The following PHIP variants were observed in gnomAD, a reference collection of about 807,000 sequenced individuals.
PHIP encodes the protein PH-interacting protein.
In PHIP, 54 loss-of-function variants were observed where a neutral mutation model predicts 236.8. The observed-to-expected ratio is 0.23, with a 90% CI of 0.18 to 0.29. The LOEUF (loss-of-function observed/expected upper bound fraction) is 0.29. PHIP is among the 10% of genes least tolerant of loss of function. The pLI is 1.00. For synonymous variants in PHIP, 756 were observed against 718.9 expected (o/e 1.05, Z -0.83); for missense variants, 1,370 against 2,190.8 (o/e 0.63, Z 7.48).
At chr6:79,016,085 C>G (rs903477188) in intron 13 of PHIP, among the ~76,000 whole-genome samples, 28 of 151,910 alleles carry the variant, frequency 1.8e-4, no homozygotes, top group African/African-American at 6.8e-4. Context: ...CCATCTTTTA[C>G]TGTTGCTGTC....
intron 6 of PHIP, among the ~76,000 whole-genome samples, chr6:79,048,491 T>G (rs1772613777): frequency 6.6e-6 from 1 of 152,118 alleles, no homozygotes; most frequent in African/African-American, 2.4e-5. Flanking sequence ...GAAATACCAT[T>G]ACCTCCCTAC....
chr6:78,988,285 T>C lies in PHIP; in HGVS notation c.2384A>G (p.Asn795Ser). 2.5e-6 allele frequency: 4 copies of C among 1,606,832 alleles called. No individual in the cohort carries two copies. Among genetic ancestry groups the C allele is most frequent in the Non-Finnish European group, 3.4e-6 (4 of 1,174,430 alleles). ...ESKKQQTNQHNYRTRSALEET... is the reference protein window; with the variant it reads ...ESKKQQTNQHSYRTRSALEET... The stretch of plus-strand genomic sequence containing the variant: ...TTCCAATGCAGATCTTGTACGATAA[T>C]TGTGTTGATTTGTCTGTTGCTTTTT... The change falls in exon 21 of 40, where the codon AAT (asparagine) becomes AGT (serine). Residue 795 changes from asparagine to serine, a missense_variant. Physicochemically the swap from Asn to Ser is conservative, Grantham distance 46 (BLOSUM62 1). This residue lies in a region of PHIP where 99 missense variants were observed against 110.0 expected (regional missense o/e 0.90). Coordinates refer to ENST00000275034, the MANE Select transcript of PHIP (RefSeq NM_017934.7).
intron 6 of PHIP, among the ~76,000 whole-genome samples, chr6:79,058,248 C>T (rs1773173072): frequency 6.6e-6 from 1 of 151,934 alleles, no homozygotes; most frequent in Admixed American, 6.6e-5. Flanking sequence ...GATGCAAAAC[C>T]CAAGGTATTT....
chr6:79,073,260 C>T (rs941380325), intron 4 of PHIP, among the ~76,000 whole-genome samples: 2 of 152,124 alleles, frequency 1.3e-5, no homozygotes, highest in African/African-American at 2.4e-5. Context: ...GAAGAATGCT[C>T]CTTCAGCCTC....
At chr6:79,073,699 G>C (rs904881915) in intron 4 of PHIP, among the ~76,000 whole-genome samples, 11 of 151,620 alleles carry the variant, frequency 7.3e-5, no homozygotes, top group Admixed American at 7.2e-4. Flanking sequence ...ATTCATCTCT[G>C]AATTTGAGAC....
In PHIP at chr6:79,078,102, A is replaced by T; in HGVS notation, c.-34T>A. ...GTCACTTCAGGGCCGCCGACGGGAC[A>T]CCCCGCCGCCGAGGGGAAGCGGGGA... On this transcript the variant is annotated 5_prime_UTR_variant, in exon 1 of 40. Transcript: ENST00000275034. The T allele has an allele frequency of 6.2e-7, 1 of 1,601,198 alleles. No homozygotes were observed. Among genetic ancestry groups the T allele is most frequent in the Admixed American group, 1.7e-5 (1 of 59,212 alleles).
intron 15 of PHIP, among the ~76,000 whole-genome samples, chr6:79,013,032 C>A (rs1770666677): frequency 6.6e-6 from 1 of 151,758 alleles, no homozygotes; most frequent in Non-Finnish European, 1.5e-5. Flanking sequence ...CCAACCATGA[C>A]AAGATTTGAG....
intron 7 of PHIP, among the ~76,000 whole-genome samples, chr6:79,034,072 A>G (rs564793538): frequency 6.6e-6 from 1 of 152,208 alleles, no homozygotes; most frequent in Non-Finnish European, 1.5e-5. Flanking sequence ...ATAGATCACC[A>G]TAACAGTTAT....
intron 38 of PHIP, 45 bp from the exon 39 acceptor site, chr6:78,945,542 T>A (rs1342979539): frequency 3.4e-6 from 4 of 1,190,820 alleles, no homozygotes; most frequent in African/African-American, 3.1e-5. Flanking sequence ...TTATTGAACC[T>A]AAAGATAAGA....
rs1562180390 is a variant in PHIP at position 79,015,275 on chromosome 6, CAT to C, written c.1390-61_1390-60del. 2.2e-6 allele frequency: 3 copies of C among 1,370,050 alleles called. 1 individual carries two copies. Among genetic ancestry groups the C allele is most frequent in the South Asian group, 1.2e-5 (1 of 81,852 alleles). 84.9% of individuals were successfully genotyped at this position (1,370,050 alleles called of 1,614,324 possible). ...ATATTAAAAAAGAAAGAAAAACAAA[CAT>C]AATGAAATACCAATATGGCACTATT... On this transcript the variant is annotated intron_variant, in intron 14 of 39. Coordinates refer to ENST00000275034, the MANE Select transcript of PHIP (RefSeq NM_017934.7).
intron 6 of PHIP, among the ~76,000 whole-genome samples, chr6:79,056,865 T>C (rs771132573): frequency 1.4e-4 from 21 of 152,228 alleles, no homozygotes; most frequent in South Asian, 6.2e-4. Flanking sequence ...CCAGATATAA[T>C]TAGAGATATA....
At chr6:78,983,441 A>C (rs960546589) in intron 22 of PHIP, among the ~76,000 whole-genome samples, 2 of 152,190 alleles carry the variant, frequency 1.3e-5, no homozygotes, top group Non-Finnish European at 2.9e-5. Flanking sequence ...TTCTGTGAGC[A>C]TATAAAAATA....
intron 20 of PHIP, 37 bp downstream of exon 20, chr6:78,990,828 TAAG>T: frequency 5.1e-6 from 6 of 1,183,988 alleles, no homozygotes; most frequent in South Asian, 2.7e-5. Context: ...TCACTATACT[TAAG>T]AAGCAAATAT....
chr6:79,023,108 T>C (rs183891245), intron 9 of PHIP, among the ~76,000 whole-genome samples: 20 of 152,326 alleles, frequency 1.3e-4, no homozygotes, highest in African/African-American at 4.3e-4. Context: ...GACAGGATCT[T>C]GGCCCTGTCG....
chr6:79,000,124 T>G (rs1344418847), intron 17 of PHIP, among the ~76,000 whole-genome samples: 2 of 151,678 alleles, frequency 1.3e-5, no homozygotes, highest in Non-Finnish European at 2.9e-5. Context: ...AAAGCTAAGG[T>G]TTTTTTTGAA....
intron 35 of PHIP, among the ~76,000 whole-genome samples, chr6:78,954,531 A>G (rs1385083165): frequency 2.7e-5 from 4 of 150,332 alleles, no homozygotes; most frequent in Admixed American, 2.0e-4. Flanking sequence ...ACAAAAAAAG[A>G]AAAAAAAAAT....
intron 39 of PHIP, among the ~76,000 whole-genome samples, chr6:78,945,078 ATTTC>A (rs1164688322): frequency 2.0e-5 from 3 of 150,320 alleles, no homozygotes; most frequent in African/African-American, 4.9e-5. Flanking sequence ...TTGAAGATTT[ATTTC>A]TTTTTTTTTT....
At chr6:79,044,814 C>G (rs931380453) in intron 6 of PHIP, among the ~76,000 whole-genome samples, 63 of 152,020 alleles carry the variant, frequency 4.1e-4, no homozygotes, top group African/African-American at 1.5e-3. Context: ...TTATAAAGAC[C>G]ATCTAAAAAT....
chr6:79,023,243 G>A (rs890623080), intron 9 of PHIP, among the ~76,000 whole-genome samples: 6 of 152,072 alleles, frequency 3.9e-5, no homozygotes, highest in African/African-American at 7.2e-5. Context: ...CATGTCTGGC[G>A]TTTGTTGTTG....
Sources: gnomAD v4.1 joint callset for allele counts (sites outside exome capture counted in the v4.1 genomes callset) on GRCh38, gnomAD v4.1.1 for gene constraint, gnomAD v4.1.1 regional missense constraint, MANE v1.5 for transcripts, NCBI Gene and HGNC (gene_info 2026-07-23, HGNC 2026-07-21) for gene names.